The following OR11H4 variants were observed in gnomAD, a reference collection of about 807,000 sequenced individuals.
OR11H4 encodes olfactory receptor family 11 subfamily H member 4.
For synonymous variants in OR11H4, 162 were observed against 142.3 expected (o/e 1.14, Z -0.98); for missense variants, 460 against 371.1 (o/e 1.24, Z -1.97).
chr14:20,242,145 C>G (rs8005691), intron 1 of OR11H4, among the ~76,000 whole-genome samples: 119 of 151,580 alleles, frequency 7.9e-4, no homozygotes, highest in African/African-American at 2.1e-3. Flanking sequence ...TACGGGTGTC[C>G]GGCTGGGGGA....
chr14:20,242,790 T>C (rs1187042438), intron 1 of OR11H4, 21 bp from the exon 2 acceptor site: 3 of 1,609,034 alleles, frequency 1.9e-6, no homozygotes, highest in South Asian at 2.2e-5. Flanking sequence ...TGGATTACAC[T>C]CATGTCTTTC....
At chr14:20,242,335 A>T (rs935949395) in intron 1 of OR11H4, among the ~76,000 whole-genome samples, 2 of 152,140 alleles carry the variant, frequency 1.3e-5, no homozygotes, top group South Asian at 4.1e-4. Context: ...GCTTGTAAAC[A>T]TTTTGTTAAC....
rs115945591 is a variant in OR11H4, at chr14:20,242,962, T to G, written c.141T>G (p.Tyr47Ter). The stretch of plus-strand genomic sequence containing the variant: ...TGCTGGGAAATGGAGCCATCATCTA[T>G]GCAGTGAGATGCAACCCACTACTAC... ...LTLLGNGAII[Y>*]AVRCNPLLHT... The change falls in exon 2 of 2, where the codon TAT (tyrosine) becomes TAG (stop). Residue 47 changes from tyrosine to a stop codon, truncating the protein, a stop_gained. Transcript: ENST00000641082. LOFTEE classifies it low-confidence loss of function (END_TRUNC). The G allele has an allele frequency of 6.2e-7, 1 of 1,614,142 alleles. No individual in the cohort carries two copies. Among genetic ancestry groups the G allele is most frequent in the Admixed American group, 1.7e-5 (1 of 60,018 alleles).
intron 1 of OR11H4, among the ~76,000 whole-genome samples, chr14:20,240,211 A>C (rs1306713234): frequency 6.6e-6 from 1 of 152,180 alleles, no homozygotes; most frequent in African/African-American, 2.4e-5. Flanking sequence ...ACCTGTGTAT[A>C]GCAGAGAAAG....
In OR11H4 at chr14:20,243,664, G is replaced by A. The variant is rs375735514; in HGVS notation, c.843G>A (p.Thr281=). The A allele has an allele frequency of 5.6e-6, 9 of 1,613,792 alleles. No homozygotes were observed. The highest frequency in any genetic ancestry group is 2.2e-5 in the South Asian group (2 of 91,030). ...TCCTCACACTGGTATATTCAGTAAC[G>A]ACTCCTCTTTTTAATCCTCTGATCT... ...QKILTLVYSV[T]TPLFNPLIYT... is the part of the protein sequence containing the mutation. The change falls in exon 2 of 2, where the codon ACG becomes ACA. Residue 281 remains threonine (T), a synonymous_variant. Coordinates refer to ENST00000641082, the MANE Select transcript of OR11H4 (RefSeq NM_001004479.2).
chr14:20,241,656 C>A (rs7148414), intron 1 of OR11H4, among the ~76,000 whole-genome samples: 1 of 151,922 alleles, frequency 6.6e-6, no homozygotes, highest in Non-Finnish European at 1.5e-5. Context: ...TATAGAGAAA[C>A]AACAGTGAGC....
At position 20,241,875 on chromosome 14, in the gene OR11H4, T is replaced by C. The variant is rs8018261; in HGVS notation, c.-11-936T>C. 2.7e-3 allele frequency among the ~76,000 whole-genome samples: 403 copies of C among 152,034 alleles called. 1 individual carries two copies. The highest frequency in any genetic ancestry group is 4.6e-3 in the African/African-American group (189 of 41,486). ...TTCAAGGGAAGGTACTATGCCTGGA[T>C]GTGCACGTAGGCCAGATATATAGTT... On this transcript the variant is annotated intron_variant, in intron 1 of 1. Coordinates refer to ENST00000641082, the MANE Select transcript of OR11H4 (RefSeq NM_001004479.2).
chr14:20,242,699 T>C (rs1228228104), intron 1 of OR11H4, 112 bp from the exon 2 acceptor site: 50 of 1,250,888 alleles, frequency 4.0e-5, no homozygotes, highest in Non-Finnish European at 5.6e-5. Flanking sequence ...ATCTCATGTA[T>C]TTTCCTGTAT....
In OR11H4 at chr14:20,243,799, G is replaced by T. The variant is rs201203774; in HGVS notation, c.*33G>T. ...ATGTGCCATACTTACAAGTTCTAAC[G>T]AAGAACAAGGTCGAGATGTTGTCAG... On this transcript the variant is annotated 3_prime_UTR_variant, in exon 2 of 2. Coordinates refer to ENST00000641082, the MANE Select transcript of OR11H4 (RefSeq NM_001004479.2). 9 of 1,537,098 alleles carry T rather than the reference G, an allele frequency of 5.9e-6. No individual in the cohort carries two copies. The highest frequency in any genetic ancestry group is 7.0e-6 in the Non-Finnish European group (8 of 1,144,188).
chr14:20,243,453 G>T lies in OR11H4; in HGVS notation c.632G>T (p.Ser211Ile). 2 of 1,613,784 alleles carry T rather than the reference G, an allele frequency of 1.2e-6. No individual in the cohort carries two copies. Among genetic ancestry groups the T allele is most frequent in the Non-Finnish European group, 1.7e-6 (2 of 1,179,858 alleles). ...AGCTCCCTTGTCCTCTTTTTCACTA[G>T]TATGTACATTCTTCGATCCTATATC... ...TQSSLVLFFT[S>I]MYILRSYILL... Residue 211 changes from serine to isoleucine, a missense_variant, in exon 2 of 2, where the codon AGT becomes ATT. Ser to Ile is a moderately radical substitution (Grantham distance 142). Coordinates refer to ENST00000641082, the MANE Select transcript of OR11H4 (RefSeq NM_001004479.2).
Position 20,243,991 on chromosome 14 carries a change from T to C in OR11H4, c.*225T>C. 5.1e-6 allele frequency: 2 copies of C among 394,226 alleles called. No homozygotes were observed. Among genetic ancestry groups the C allele is most frequent in the Non-Finnish European group, 9.0e-6 (2 of 222,650 alleles). 24.4% of individuals were successfully genotyped at this position (394,226 alleles called of 1,614,324 possible). Reference sequence around the variant, plus strand: ...TCAAAGCCTGTCTTTATTAGAATGATAAAATGGAATTTCTACATGAGATGC... The same window carrying C: ...TCAAAGCCTGTCTTTATTAGAATGACAAAATGGAATTTCTACATGAGATGC... On this transcript the variant is annotated 3_prime_UTR_variant, in exon 2 of 2. Transcript: ENST00000641082.
At chr14:20,242,500 G>A (rs1173803135) in intron 1 of OR11H4, among the ~76,000 whole-genome samples, 4 of 152,138 alleles carry the variant, frequency 2.6e-5, no homozygotes. Flanking sequence ...TAAAGTACAG[G>A]TCTTTTTCAA....
chr14:20,241,151 A>C (rs1880907563), intron 1 of OR11H4, among the ~76,000 whole-genome samples: 1 of 152,140 alleles, frequency 6.6e-6, no homozygotes, highest in African/African-American at 2.4e-5. Flanking sequence ...AAGCTCACTA[A>C]ATAAACTAAA....
Position 20,243,121 on chromosome 14 carries a change from G to C in OR11H4, c.300G>C (p.Gln100His). ...KAISFSGCFL[Q>H]FYFFFSLGTT... ...TCTCATTTTCTGGGTGCTTCCTCCA[G>C]TTCTATTTCTTCTTTTCACTGGGAA... is the stretch of plus-strand genomic sequence containing the variant. Residue 100 changes from glutamine to histidine, a missense_variant, in exon 2 of 2, where the codon CAG (glutamine) becomes CAC (histidine). By Grantham distance (24) the Gln-to-His change is conservative. Transcript: ENST00000641082. 17 of 1,614,102 alleles carry C rather than the reference G, an allele frequency of 1.1e-5. No homozygotes were observed. Among genetic ancestry groups the C allele is most frequent in the Non-Finnish European group, 1.4e-5 (17 of 1,180,014 alleles).
At position 20,243,955 on chromosome 14, in the gene OR11H4, C is replaced by A; in HGVS notation, c.*189C>A. 2.1e-6 allele frequency: 1 copy of A among 478,194 alleles called. No individual in the cohort carries two copies. The highest frequency in any genetic ancestry group is 3.5e-6 in the Non-Finnish European group (1 of 285,198). The allele number at this position is 478,194 out of a possible 1,614,324, so 29.6% of individuals were successfully genotyped here. On this transcript the variant is annotated 3_prime_UTR_variant, in exon 2 of 2. Transcript: ENST00000641082. ...TTAATTAACTGGTCTTCAACATCCA[C>A]TTAAAAGTTTTCAAAGCCTGTCTTT...
In OR11H4 at chr14:20,243,943, C is replaced by T; in HGVS notation, c.*177C>T. 2.0e-6 allele frequency: 1 copy of T among 509,540 alleles called. No homozygotes were observed. The allele number at this position is 509,540 out of a possible 1,614,324, so 31.6% of individuals were successfully genotyped here. On this transcript the variant is annotated 3_prime_UTR_variant, in exon 2 of 2. Transcript: ENST00000641082. ...ACTCTTTAAACCTTAATTAACTGGT[C>T]TTCAACATCCACTTAAAAGTTTTCA... is the stretch of plus-strand genomic sequence containing the variant.
At position 20,243,146 on chromosome 14, in the gene OR11H4, A is replaced by T; in HGVS notation, c.325A>T (p.Thr109Ser). The change falls in exon 2 of 2, where the codon ACA (threonine) becomes TCA (serine). Residue 109 changes from threonine to serine, a missense_variant. Physicochemically the swap from Thr to Ser is moderately conservative, Grantham distance 58. Transcript: ENST00000641082. ...GTTCTATTTCTTCTTTTCACTGGGA[A>T]CAACTGAATGTCTCTTTCTGGCAGT... ...LQFYFFFSLG[T>S]TECLFLAVMA... 6.2e-7 allele frequency: 1 copy of T among 1,614,168 alleles called. No individual in the cohort carries two copies.
intron 1 of OR11H4, among the ~76,000 whole-genome samples, chr14:20,239,625 T>C (rs918931584): frequency 7.3e-5 from 11 of 149,908 alleles, no homozygotes; most frequent in African/African-American, 1.5e-4. Context: ...ACCCGGGAGG[T>C]GGAGCTTGCA....
intron 1 of OR11H4, among the ~76,000 whole-genome samples, chr14:20,241,646 T>G (rs144339360): frequency 6.6e-6 from 1 of 152,072 alleles, no homozygotes; most frequent in African/African-American, 2.4e-5. Context: ...AGAGACAAAG[T>G]ATAGAGAAAC....
Sources: gnomAD v4.1 joint callset for allele counts (sites outside exome capture counted in the v4.1 genomes callset) on GRCh38, gnomAD v4.1.1 for gene constraint, MANE v1.5 for transcripts, NCBI Gene and HGNC (gene_info 2026-07-23, HGNC 2026-07-21) for gene names.